Variants in GLIS3 observed in about 807,000 individuals in gnomAD.
GLIS3 encodes GLIS family zinc finger 3.
GLIS3 carries 53 observed loss-of-function variants against 78.6 expected under a neutral mutation model. The ratio of observed to expected loss-of-function variants is 0.67; its 90% CI spans 0.54 to 0.85. GLIS3 has a LOEUF of 0.85. Among genes scored for constraint, GLIS3 ranks in the 40% least tolerant of loss-of-function variants. GLIS3 has a pLI of 0.00. For missense variants in GLIS3, 1,703 were observed against 1,231.1 expected, an observed-to-expected ratio of 1.38 and a Z score of -5.74; for synonymous variants, 684 against 509.9, an observed-to-expected ratio of 1.34 and a Z score of -4.60.
chr9:4,013,004 C>T (rs1822155354), intron 4 of GLIS3, among the ~76,000 whole-genome samples: 1 of 151,984 alleles, frequency 6.6e-6, no homozygotes, highest in Non-Finnish European at 1.5e-5. Flanking sequence ...AACTCCTGAC[C>T]TCGTGTGATC....
chr9:4,362,789 G>A, the GLIS3 span, among the ~76,000 whole-genome samples: 1 of 152,268 alleles, frequency 6.6e-6, no homozygotes, highest in East Asian at 1.9e-4. Context: ...AGCAAACTCT[G>A]CAGGACCTAG....
intron 4 of GLIS3, among the ~76,000 whole-genome samples, chr9:4,040,671 T>G (rs950762654): frequency 3.0e-4 from 45 of 152,196 alleles, no homozygotes; most frequent in African/African-American, 1.1e-3. Context: ...CAGAGTTTCT[T>G]CAGTGGAACT....
rs59495657 is a variant in GLIS3 at position 3,991,683 on chromosome 9, ATTTTTTTTT to A, written c.1711-54503_1711-54495del. Among the ~76,000 whole-genome samples the A allele has an allele frequency of 3.4e-5, 3 of 87,900 alleles. No homozygotes were observed. The East Asian group carries it at 1.0e-3, about 30-fold the overall frequency. 57.7% of individuals were successfully genotyped at this position (87,900 alleles called of 152,430 possible). A position where few individuals can be genotyped will look rare whatever the true frequency, so the allele number is the denominator to read the frequency against. On this transcript the variant is annotated intron_variant, in intron 4 of 10. Coordinates refer to ENST00000381971, the MANE Select transcript of GLIS3 (RefSeq NM_001042413.2). ...GTTCAGAATTTCATTAAGTAGGCTG[ATTTTTTTTT>A]TTTTTTTTTTTTTTTTGAGACGGAG...
At chr9:4,464,125 C>T in the GLIS3 span, among the ~76,000 whole-genome samples, 5 of 152,028 alleles carry the variant, frequency 3.3e-5, no homozygotes, top group Admixed American at 1.3e-4. Context: ...CTTTTCATTT[C>T]TGTGTCAGGT....
intron 5 of GLIS3, among the ~76,000 whole-genome samples, chr9:3,935,352 A>T (rs764371740): frequency 1.4e-4 from 21 of 152,056 alleles, no homozygotes; most frequent in Admixed American, 7.2e-4. Context: ...TTCCAAAAAA[A>T]ATAGCTGAGT....
At position 4,159,331 on chromosome 9, in the gene GLIS3, C is replaced by T. The variant is rs76009628; in HGVS notation, c.389-33390G>A. 7.6e-3 allele frequency among the ~76,000 whole-genome samples: 1,159 copies of T among 152,244 alleles called. 9 individuals carry two copies. The highest frequency in any genetic ancestry group is 0.013 in the Non-Finnish European group (866 of 68,010). On this transcript the variant is annotated intron_variant, in intron 2 of 10. Transcript: ENST00000381971. ...CTTGTCTTGGCCCTTTCTTTCAATA[C>T]GGATGATCATGTTCTACCCTTTCTA...
At chr9:4,241,411 T>C (rs939312012) in intron 2 of GLIS3, among the ~76,000 whole-genome samples, 2 of 152,310 alleles carry the variant, frequency 1.3e-5, no homozygotes, top group Admixed American at 6.5e-5. Context: ...AAGTTGACTA[T>C]AGTTTAGAAT....
At chr9:3,829,675 C>T (rs1336967933) in intron 9 of GLIS3, among the ~76,000 whole-genome samples, 183 bp from the exon 10 acceptor site, 2 of 152,112 alleles carry the variant, frequency 1.3e-5, no homozygotes, top group African/African-American at 4.8e-5. Flanking sequence ...AGCTCTTCTA[C>T]CTTAGAGGAA....
chr9:4,314,643 T>A (rs559360391), intron 2 of GLIS3, among the ~76,000 whole-genome samples: 1 of 152,192 alleles, frequency 6.6e-6, no homozygotes. Flanking sequence ...CCAAGATGCT[T>A]CCACTAGCAG....
At chr9:4,140,282 C>G (rs1437557192) in intron 2 of GLIS3, among the ~76,000 whole-genome samples, 1 of 152,144 alleles carries the variant, frequency 6.6e-6, no homozygotes, top group Admixed American at 6.5e-5. Context: ...CAGGATGGCA[C>G]CACGGCACTC....
intron 2 of GLIS3, among the ~76,000 whole-genome samples, chr9:4,335,069 T>C (rs866055324): frequency 1.3e-5 from 2 of 151,998 alleles, no homozygotes; most frequent in Admixed American, 6.6e-5. Context: ...CCACTATACC[T>C]GGCTAATTTT....
chr9:4,330,408 C>G (rs985410201), intron 2 of GLIS3, among the ~76,000 whole-genome samples: 3 of 152,208 alleles, frequency 2.0e-5, no homozygotes, highest in Non-Finnish European at 4.4e-5. Context: ...TGCTATTGGT[C>G]CAAGGATCAC....
At chr9:4,228,095 T>G (rs1821930783) in intron 2 of GLIS3, among the ~76,000 whole-genome samples, 1 of 151,670 alleles carries the variant, frequency 6.6e-6, no homozygotes, top group South Asian at 2.1e-4. Flanking sequence ...AATCACACAG[T>G]TATCAAGTGA....
intron 2 of GLIS3, among the ~76,000 whole-genome samples, chr9:4,338,446 A>G (rs1053791132): frequency 7.2e-5 from 11 of 152,090 alleles, no homozygotes; most frequent in African/African-American, 2.7e-4. Context: ...ATTCTTATTC[A>G]GGATGAGAAT....
rs769782174 is a variant in GLIS3, at chr9:4,286,377, G to A, written c.49C>T (p.Pro17Ser). The change falls in exon 2 of 11, where the codon CCA becomes TCA. Residue 17 changes from proline to serine, a missense_variant. Physicochemically the swap from Pro to Ser is moderately conservative, Grantham distance 74. Coordinates refer to ENST00000381971, the MANE Select transcript of GLIS3 (RefSeq NM_001042413.2). ...CCACTGACCATCCTAGGCCCCTGTG[G>A]GGTTCCCGATGTCCGGTGGAGACTC... is the stretch of plus-strand genomic sequence containing the variant. ...SMSLHRTSGT[P>S]QGPRMVSGHH... 4 of 1,614,190 alleles carry A rather than the reference G, an allele frequency of 2.5e-6. No homozygotes were observed. The African/African-American group carries it at 5.3e-5, about 22-fold the overall frequency.
chr9:4,023,170 T>A (rs940952902), intron 4 of GLIS3, among the ~76,000 whole-genome samples: 11 of 152,168 alleles, frequency 7.2e-5, no homozygotes, highest in South Asian at 2.1e-4. Context: ...TACTTAAAAA[T>A]TTTTTTAAGT....
At chr9:4,190,728 T>A (rs1279200327) in intron 2 of GLIS3, among the ~76,000 whole-genome samples, 1 of 151,956 alleles carries the variant, frequency 6.6e-6, no homozygotes, top group African/African-American at 2.4e-5. Flanking sequence ...GACACATAAT[T>A]GTCAGATTTA....
intron 6 of GLIS3, among the ~76,000 whole-genome samples, chr9:3,921,764 A>G (rs1824904541): frequency 6.6e-6 from 1 of 152,222 alleles, no homozygotes; most frequent in South Asian, 2.1e-4. Flanking sequence ...ATATATAGTT[A>G]CTTCAAATCA....
At chr9:4,313,439 C>T (rs1309718726) in intron 2 of GLIS3, among the ~76,000 whole-genome samples, 1 of 152,146 alleles carries the variant, frequency 6.6e-6, no homozygotes, top group East Asian at 1.9e-4. Flanking sequence ...AACCCGTCTC[C>T]TCCCACCACC....
Sources: gnomAD v4.1 joint callset for allele counts (sites outside exome capture counted in the v4.1 genomes callset) on GRCh38, gnomAD v4.1.1 for gene constraint, MANE v1.5 for transcripts, NCBI Gene and HGNC (gene_info 2026-07-23, HGNC 2026-07-21) for gene names.